The following RCAN1 variants were observed in gnomAD, a reference collection of about 807,000 sequenced individuals.
RCAN1 encodes the protein regulator of calcineurin 1, also known as calcipressin-1.
A neutral mutation model predicts 22.9 loss-of-function variants in RCAN1; 11 were observed. That is an observed-to-expected ratio of 0.48 (90% CI 0.30 to 0.79). The LOEUF (loss-of-function observed/expected upper bound fraction) is 0.79. RCAN1 is among the 30% of genes least tolerant of loss of function. RCAN1 has a pLI of 0.06. For synonymous variants in RCAN1, 136 were observed against 142.3 expected (o/e 0.96, Z 0.32); for missense variants, 291 against 337.8 (o/e 0.86, Z 1.09).
In RCAN1 at chr21:34,518,642, G is replaced by C. The variant is rs1048054773; in HGVS notation, c.587-386C>G. The stretch of plus-strand genomic sequence containing the variant: ...TCAGGAAAAAGATGGATGAAGAAAC[G>C]TATTTGGAAACAGAACCCTGGGCCT... On this transcript the variant is annotated intron_variant, in intron 3 of 3. Transcript: ENST00000313806. This position sits in a 1 kb window ranked among gnomAD's most constrained non-coding sequence, Gnocchi z 4.2. Among the ~76,000 whole-genome samples, 6 of 152,226 alleles carry C rather than the reference G, an allele frequency of 3.9e-5. No individual in the cohort carries two copies. The highest frequency in any genetic ancestry group is 8.8e-5 in the Non-Finnish European group (6 of 68,032).
intron 1 of RCAN1, chr21:34,613,849 CA>C: frequency 6.9e-7 from 1 of 1,458,590 alleles, no homozygotes; most frequent in Non-Finnish European, 9.2e-7. Context: ...AGTTCATTGA[CA>C]GCATTTGTGG....
At chr21:34,525,294 C>T (rs1368374962) in intron 1 of RCAN1, 1 of 1,543,024 alleles carries the variant, frequency 6.5e-7, no homozygotes, top group South Asian at 1.2e-5. Context: ...AACCTACGAC[C>T]TTGCTCTCCT....
At chr21:34,557,841 G>A (rs1301165672) in intron 1 of RCAN1, among the ~76,000 whole-genome samples, 1 of 152,186 alleles carries the variant, frequency 6.6e-6, no homozygotes, top group Admixed American at 6.5e-5. Context: ...AGGTATGGAT[G>A]TAAGCAGTCA....
chr21:34,564,777 T>C (rs1232862586), intron 1 of RCAN1, among the ~76,000 whole-genome samples: 3 of 152,190 alleles, frequency 2.0e-5, no homozygotes, highest in African/African-American at 7.2e-5. Flanking sequence ...GCTTGTCATC[T>C]AAGATAGTGC....
At chr21:34,607,492 C>T (rs776300608) in intron 1 of RCAN1, among the ~76,000 whole-genome samples, 3 of 151,872 alleles carry the variant, frequency 2.0e-5, no homozygotes, top group African/African-American at 7.3e-5. Context: ...AGGGTTCAAG[C>T]GATTCTCATG....
At chr21:34,548,979 G>C (rs1012471744) in intron 1 of RCAN1, among the ~76,000 whole-genome samples, 1 of 152,146 alleles carries the variant, frequency 6.6e-6, no homozygotes, top group Admixed American at 6.5e-5. Flanking sequence ...CAAATTGCAC[G>C]GTCAGCAAAC....
At chr21:34,519,932 T>C (rs1984377763) in intron 3 of RCAN1, among the ~76,000 whole-genome samples, 1 of 152,184 alleles carries the variant, frequency 6.6e-6, no homozygotes. Flanking sequence ...AGCTCAGCTC[T>C]CTGAGAGAGA....
chr21:34,601,592 G>T (rs891866063), intron 1 of RCAN1, among the ~76,000 whole-genome samples: 1 of 152,162 alleles, frequency 6.6e-6, no homozygotes, highest in African/African-American at 2.4e-5. Flanking sequence ...GCCAAGGTGG[G>T]CGGATCACGA....
At chr21:34,538,930 C>T (rs1250012884) in intron 1 of RCAN1, among the ~76,000 whole-genome samples, 3 of 152,172 alleles carry the variant, frequency 2.0e-5, no homozygotes, top group African/African-American at 7.2e-5. Flanking sequence ...AATTAGAAGG[C>T]TCCAGACTTG....
chr21:34,556,018 G>A (rs535741492), intron 1 of RCAN1, among the ~76,000 whole-genome samples: 20 of 148,662 alleles, frequency 1.3e-4, no homozygotes, highest in African/African-American at 4.7e-4. Context: ...AGCTGAGATC[G>A]TGCCACTGCG....
At chr21:34,574,958 C>T (rs1267268420) in intron 1 of RCAN1, among the ~76,000 whole-genome samples, 4 of 152,218 alleles carry the variant, frequency 2.6e-5, no homozygotes. Context: ...ATGGTTACGG[C>T]ATCAAGTGTT....
intron 1 of RCAN1, among the ~76,000 whole-genome samples, chr21:34,577,549 T>C (rs190014393): frequency 2.6e-5 from 4 of 152,248 alleles, no homozygotes; most frequent in Admixed American, 6.5e-5. Flanking sequence ...CAGTGAGCTG[T>C]GATCATGCCA....
chr21:34,570,077 C>G (rs940366936), intron 1 of RCAN1, among the ~76,000 whole-genome samples: 1 of 152,220 alleles, frequency 6.6e-6, no homozygotes, highest in Admixed American at 6.5e-5. Flanking sequence ...AGGGCCCAGG[C>G]CCAAGCTCCC....
At chr21:34,538,584 G>C (rs1985782384) in intron 1 of RCAN1, among the ~76,000 whole-genome samples, 1 of 152,156 alleles carries the variant, frequency 6.6e-6, no homozygotes, top group African/African-American at 2.4e-5. Context: ...GACGAGTGGT[G>C]GGGAGGGGAA....
chr21:34,523,673 T>A lies in RCAN1; in HGVS notation c.290A>T (p.Asp97Val), dbSNP rs756348307. 6.8e-6 allele frequency: 11 copies of A among 1,613,976 alleles called. No homozygotes were observed. Among genetic ancestry groups the A allele is most frequent in the Non-Finnish European group, 9.3e-6 (11 of 1,180,026 alleles). ...FESLFRTYDKDITFQYFKSFK... is the reference protein window; with the variant it reads ...FESLFRTYDKVITFQYFKSFK... ...GCTCTTAAAATACTGAAAGGTGATGTCCTTGTCATACGTCCTAAAGAGGGA... is the reference window on the plus strand; with the variant it reads ...GCTCTTAAAATACTGAAAGGTGATGACCTTGTCATACGTCCTAAAGAGGGA... The change falls in exon 2 of 4, where the codon GAC becomes GTC. Residue 97 changes from aspartate to valine, a missense_variant. Asp to Val is a radical substitution (Grantham distance 152). Coordinates refer to ENST00000313806, the MANE Select transcript of RCAN1 (RefSeq NM_004414.7).
At chr21:34,586,973 TAGA>T (rs1987821088) in intron 1 of RCAN1, among the ~76,000 whole-genome samples, 2 of 148,670 alleles carry the variant, frequency 1.3e-5, no homozygotes, top group Admixed American at 1.3e-4. Flanking sequence ...AAAAAAAAAG[TAGA>T]AGAAAAAAAG....
chr21:34,600,188 C>A (rs915455429), intron 1 of RCAN1, among the ~76,000 whole-genome samples: 1 of 152,084 alleles, frequency 6.6e-6, no homozygotes, highest in African/African-American at 2.4e-5. Flanking sequence ...CTAAGAATCG[C>A]GTTTTTAAAG....
At chr21:34,607,534 C>T (rs146821015) in intron 1 of RCAN1, among the ~76,000 whole-genome samples, 7,743 of 151,976 alleles carry the variant, frequency 0.051, 562 homozygotes, top group African/African-American at 0.16. Context: ...GGACTACAGG[C>T]GCGTGCCACC....
At chr21:34,566,257 C>A (rs1004614436) in intron 1 of RCAN1, among the ~76,000 whole-genome samples, 5 of 152,150 alleles carry the variant, frequency 3.3e-5, no homozygotes, top group Non-Finnish European at 7.3e-5. Flanking sequence ...CCAGGGTCTC[C>A]AAATTCTGTG....
Sources: gnomAD v4.1 joint callset for allele counts (sites outside exome capture counted in the v4.1 genomes callset) on GRCh38, gnomAD v4.1.1 for gene constraint, Gnocchi (gnomAD v3.1) non-coding constraint, MANE v1.5 for transcripts, NCBI Gene and HGNC (gene_info 2026-07-23, HGNC 2026-07-21) for gene names.